CRMP1: variants seen among roughly 807,000 people sequenced by gnomAD.
CRMP1 encodes the protein collapsin response mediator protein 1.
CRMP1 carries 19 observed loss-of-function variants against 68.3 expected under a neutral mutation model. The ratio of observed to expected loss-of-function variants is 0.28; its 90% CI spans 0.19 to 0.41. The LOEUF (loss-of-function observed/expected upper bound fraction) is 0.41, where lower values mean the gene tolerates loss of function less well. Among genes scored for constraint, CRMP1 ranks in the 10% least tolerant of loss-of-function variants. CRMP1 has a pLI of 1.00. For synonymous variants in CRMP1, 439 were observed against 399.6 expected, an observed-to-expected ratio of 1.10 and a Z score of -1.18; for missense variants, 791 against 967.4, an observed-to-expected ratio of 0.82 and a Z score of 2.42.
intron 5 of CRMP1, 32 bp from the exon 6 acceptor site, chr4:5,849,504 AT>A: frequency 1.1e-5 from 15 of 1,409,072 alleles, no homozygotes; most frequent in South Asian, 4.9e-5. Context: ...TTGGTGTGAG[AT>A]TTAAAAAAAA....
In CRMP1 at chr4:5,861,865, G is replaced by T. The variant is rs1268908596; in HGVS notation, c.471-655C>A. 6.6e-6 allele frequency among the ~76,000 whole-genome samples: 1 copy of T among 152,176 alleles called. No individual in the cohort carries two copies. The highest frequency in any genetic ancestry group is 2.4e-5 in the African/African-American group (1 of 41,444). ...TTTTTATTCTAAAAAAAATCCAATT[G>T]TTGTGAACGCTTGAGATTGGGCAGC... On this transcript the variant is annotated intron_variant, in intron 2 of 13. Coordinates refer to ENST00000324989, the MANE Select transcript of CRMP1 (RefSeq NM_001014809.3). This position sits in a 1 kb window ranked among gnomAD's most constrained non-coding sequence, Gnocchi z 6.0.
chr4:5,840,244 G>T (rs1372751188), intron 8 of CRMP1, among the ~76,000 whole-genome samples: 3 of 152,234 alleles, frequency 2.0e-5, no homozygotes, highest in Non-Finnish European at 2.9e-5. Flanking sequence ...GGAGTTGGAT[G>T]TGTTTCTGTC....
At position 5,877,959 on chromosome 4, in the gene CRMP1, C is replaced by G. The variant is rs1166111491; in HGVS notation, c.382-11203G>C. ...GTGTGATCGGTAACTTGACCCATTT[C>G]TCTGTGTTCTGGTCTGTGCTTCTTG... On this transcript the variant is annotated intron_variant, in intron 1 of 13. Coordinates refer to ENST00000324989, the MANE Select transcript of CRMP1 (RefSeq NM_001014809.3). This position sits in a 1 kb window ranked among gnomAD's most constrained non-coding sequence, Gnocchi z 4.3. Among the ~76,000 whole-genome samples, 1 of 152,226 alleles carries G rather than the reference C, an allele frequency of 6.6e-6. No homozygotes were observed. Among genetic ancestry groups the G allele is most frequent in the Admixed American group, 6.5e-5 (1 of 15,280 alleles).
intron 1 of CRMP1, among the ~76,000 whole-genome samples, chr4:5,885,048 G>A (rs1190294438): frequency 1.3e-5 from 2 of 151,920 alleles, no homozygotes; most frequent in Admixed American, 6.6e-5. Flanking sequence ...GTCCTTGGGG[G>A]CAGGAGCTAA....
rs532789579 is a variant in CRMP1, at chr4:5,882,314, T to C, written c.381+10275A>G. On this transcript the variant is annotated intron_variant, in intron 1 of 13. Coordinates refer to ENST00000324989, the MANE Select transcript of CRMP1 (RefSeq NM_001014809.3). ...TTCTCCTTCAGCCTGGGTCTCAAAG[T>C]GAGGAGATGCACAGAGCAGACTCAC... Among the ~76,000 whole-genome samples, 8 of 152,296 alleles carry C rather than the reference T, an allele frequency of 5.3e-5. No individual in the cohort carries two copies. The East Asian group carries it at 1.3e-3, about 26-fold the overall frequency.
Position 5,842,292 on chromosome 4 carries a change from C to A in CRMP1, c.1032+801G>T, listed in dbSNP as rs1711798186. On this transcript the variant is annotated intron_variant, in intron 7 of 13. Transcript: ENST00000324989. The surrounding 1 kb of genome is among the most constrained non-coding windows in gnomAD (Gnocchi z 4.5). The stretch of plus-strand genomic sequence containing the variant: ...CACAAATTAGCCAGGCGTGGTGGCA[C>A]AGGCCTGTGCCTAGTGCTCCTAGCT... 6.6e-6 allele frequency among the ~76,000 whole-genome samples: 1 copy of A among 151,304 alleles called. No homozygotes were observed. The highest frequency in any genetic ancestry group is 2.4e-5 in the African/African-American group (1 of 41,162).
At position 5,841,225 on chromosome 4, in the gene CRMP1, T is replaced by A; in HGVS notation, c.1153+83A>T. ...CCCTCCTCCGGCTGCCTGTCTGAGT[T>A]CGGGAGGGAGTGAACTTGAACCTGC... is the stretch of plus-strand genomic sequence containing the variant. On this transcript the variant is annotated intron_variant, in intron 8 of 13. Transcript: ENST00000324989. The surrounding 1 kb of genome is among the most constrained non-coding windows in gnomAD (Gnocchi z 6.9). The A allele has an allele frequency of 6.2e-7, 1 of 1,606,080 alleles. No homozygotes were observed. Among genetic ancestry groups the A allele is most frequent in the South Asian group, 1.1e-5 (1 of 90,598 alleles).
Position 5,849,446 on chromosome 4 carries a change from C to G in CRMP1, c.909G>C (p.Lys303Asn), listed in dbSNP as rs1382912703. The part of the protein sequence containing the change: ...SQLYEAFTFL[K>N]GLGAVILVHA... Reference sequence around the variant, plus strand: ...GGACCAAGATCACAGCTCCCAGGCCCTTAAGGAAGGTAAAGGCTTCATAGA... The same window carrying G: ...GGACCAAGATCACAGCTCCCAGGCCGTTAAGGAAGGTAAAGGCTTCATAGA... Residue 303 changes from lysine to asparagine, a missense_variant, in exon 6 of 14, where the codon AAG becomes AAC. Physicochemically the swap from Lys to Asn is moderately conservative, Grantham distance 94. This residue lies in a region of CRMP1 where 594 missense variants were observed against 763.6 expected (regional missense o/e 0.78). Coordinates refer to ENST00000324989, the MANE Select transcript of CRMP1 (RefSeq NM_001014809.3). 1 of 1,613,614 alleles carries G rather than the reference C, an allele frequency of 6.2e-7. No homozygotes were observed. The highest frequency in any genetic ancestry group is 8.5e-7 in the Non-Finnish European group (1 of 1,179,896).
Position 5,850,958 on chromosome 4 carries a change from G to T in CRMP1, c.882+450C>A, listed in dbSNP as rs1689827495. ...TCTTACAAATGTGAGGAGATGACTT[G>T]CCCAGCATGTTGCAGTTGCTGTGAG... is the stretch of plus-strand genomic sequence containing the variant. On this transcript the variant is annotated intron_variant, in intron 5 of 13. Transcript: ENST00000324989. This position sits in a 1 kb window ranked among gnomAD's most constrained non-coding sequence, Gnocchi z 4.4. Among the ~76,000 whole-genome samples the T allele has an allele frequency of 6.6e-6, 1 of 152,180 alleles. No individual in the cohort carries two copies. The highest frequency in any genetic ancestry group is 1.5e-5 in the Non-Finnish European group (1 of 68,032).
rs1715902729 is a variant in CRMP1 at position 5,890,687 on chromosome 4, G to A, written c.381+1902C>T. Among the ~76,000 whole-genome samples, 1 of 152,214 alleles carries A rather than the reference G, an allele frequency of 6.6e-6. No individual in the cohort carries two copies. The highest frequency in any genetic ancestry group is 1.5e-5 in the Non-Finnish European group (1 of 68,024). On this transcript the variant is annotated intron_variant, in intron 1 of 13. Transcript: ENST00000324989. This position sits in a 1 kb window ranked among gnomAD's most constrained non-coding sequence, Gnocchi z 5.5. ...GGCAGAGGGGACCACAGGGAGAAGA[G>A]GAAGGAGTAGGGGAGAGGAACGGGA...
chr4:5,893,076 G>C lies in CRMP1; in HGVS notation c.-107C>G, dbSNP rs1348973168. On this transcript the variant is annotated 5_prime_UTR_variant, in exon 1 of 14. Transcript: ENST00000324989. Reference sequence around the variant, plus strand: ...CTCGGTGCGGGCCTGCGGCGGCCCGGGCGCGACTGCGGCCCAGGGAGGGGA... The same window carrying C: ...CTCGGTGCGGGCCTGCGGCGGCCCGCGCGCGACTGCGGCCCAGGGAGGGGA... 1.3e-6 allele frequency: 1 copy of C among 783,558 alleles called. No homozygotes were observed. Among genetic ancestry groups the C allele is most frequent in the Admixed American group, 6.4e-5 (1 of 15,716 alleles). 48.5% of individuals were successfully genotyped at this position (783,558 alleles called of 1,614,324 possible).
At chr4:5,831,402 G>A (rs923766684) in intron 11 of CRMP1, among the ~76,000 whole-genome samples, 2 of 152,178 alleles carry the variant, frequency 1.3e-5, no homozygotes, top group African/African-American at 4.8e-5. Context: ...GGGGGTTCCA[G>A]GCAATCACGT....
chr4:5,888,211 G>C lies in CRMP1; in HGVS notation c.381+4378C>G, dbSNP rs755496303. 53 of 1,262,238 alleles carry C rather than the reference G, an allele frequency of 4.2e-5. No homozygotes were observed. In the African/African-American group the frequency reaches 8.0e-4, roughly 19 times the overall value. The allele number at this position is 1,262,238 out of a possible 1,614,324, so 78.2% of individuals were successfully genotyped here. ...CACAAAGGCCAGCGCGGGGCGGCGG[G>C]GGCGGGGGCCGCTTACCGTGATGTG... On this transcript the variant is annotated intron_variant, in intron 1 of 13. Coordinates refer to ENST00000324989, the MANE Select transcript of CRMP1 (RefSeq NM_001014809.3). This position sits in a 1 kb window ranked among gnomAD's most constrained non-coding sequence, Gnocchi z 6.4.
rs201547675 is a variant in CRMP1 at position 5,842,660 on chromosome 4, ACACT to A, written c.1032+429_1032+432del. ...CACGCACTGTCTCTCTCACACACAC[ACACT>A]AACATACACACACTCACACACACAC... is the stretch of plus-strand genomic sequence containing the variant. On this transcript the variant is annotated intron_variant, in intron 7 of 13. Coordinates refer to ENST00000324989, the MANE Select transcript of CRMP1 (RefSeq NM_001014809.3). This position sits in a 1 kb window ranked among gnomAD's most constrained non-coding sequence, Gnocchi z 4.5. 0.012 allele frequency among the ~76,000 whole-genome samples: 1,755 copies of A among 151,386 alleles called. 28 individuals are homozygous for A. Among genetic ancestry groups the A allele is most frequent in the African/African-American group, 0.038 (1,571 of 41,108 alleles).
chr4:5,827,071 C>G (rs547944199), intron 12 of CRMP1, among the ~76,000 whole-genome samples: 1 of 152,224 alleles, frequency 6.6e-6, no homozygotes, highest in Non-Finnish European at 1.5e-5. Context: ...CTCTCCTTCA[C>G]CTGGTCTAGC....
chr4:5,873,322 G>C (rs574152919), intron 1 of CRMP1, among the ~76,000 whole-genome samples: 1 of 152,118 alleles, frequency 6.6e-6, no homozygotes. Context: ...CCTGAGAGAG[G>C]GAAGCACACG....
chr4:5,822,279 G>A (rs938494655), intron 13 of CRMP1, among the ~76,000 whole-genome samples: 2 of 152,224 alleles, frequency 1.3e-5, no homozygotes, highest in Admixed American at 6.5e-5. Flanking sequence ...CACGTGTCTT[G>A]CGGGACACAG....
intron 11 of CRMP1, among the ~76,000 whole-genome samples, chr4:5,830,135 ATATT>A (rs1720258777): frequency 6.6e-6 from 1 of 152,186 alleles, no homozygotes; most frequent in African/African-American, 2.4e-5. Flanking sequence ...TGCCATTTCT[ATATT>A]TATTTCTTAC....
rs567274543 is a variant in CRMP1, at chr4:5,892,218, T to A, written c.381+371A>T. Among the ~76,000 whole-genome samples the A allele has an allele frequency of 2.8e-4, 42 of 152,240 alleles. No homozygotes were observed. Among genetic ancestry groups the A allele is most frequent in the African/African-American group, 9.9e-4 (41 of 41,554 alleles). ...ACACGGAACGGAGCTCCAGTTCTTT[T>A]CACAAAACAGAATGAGGGGCCTGGG... On this transcript the variant is annotated intron_variant, in intron 1 of 13. Coordinates refer to ENST00000324989, the MANE Select transcript of CRMP1 (RefSeq NM_001014809.3). The surrounding 1 kb of genome is among the most constrained non-coding windows in gnomAD (Gnocchi z 8.6).
Sources: gnomAD v4.1 joint callset for allele counts (sites outside exome capture counted in the v4.1 genomes callset) on GRCh38, gnomAD v4.1.1 for gene constraint, gnomAD v4.1.1 regional missense constraint, Gnocchi (gnomAD v3.1) non-coding constraint, MANE v1.5 for transcripts, NCBI Gene and HGNC (gene_info 2026-07-23, HGNC 2026-07-21) for gene names.